The following KPNB1 variants were observed in gnomAD, a reference collection of about 807,000 sequenced individuals.
The protein encoded by KPNB1 is importin subunit beta-1.
Under a neutral mutation model 113.0 loss-of-function variants are expected in KPNB1, and 7 were observed. That is an observed-to-expected ratio of 0.06 (90% CI 0.04 to 0.12). The LOEUF is 0.12. KPNB1 is among the 10% of genes least tolerant of loss of function. KPNB1 has a pLI of 1.00. For synonymous variants in KPNB1, 363 were observed against 378.6 expected (o/e 0.96, Z 0.48); for missense variants, 400 against 1,054.8 (o/e 0.38, Z 8.60).
In KPNB1 at chr17:47,684,977, G is replaced by C. The variant is rs896325086; in HGVS notation, c.*2573G>C. 6.6e-6 allele frequency: 1 copy of C among 152,154 alleles called. No homozygotes were observed. The highest frequency in any genetic ancestry group is 1.5e-5 in the Non-Finnish European group (1 of 68,034). 9.4% of individuals were successfully genotyped at this position (152,154 alleles called of 1,614,324 possible). ...CTGGGCCTTCCCCACCCTAGTCTTGGCACATTCCTTCAAGAATGTAGTTAC... is the reference window on the plus strand; with the variant it reads ...CTGGGCCTTCCCCACCCTAGTCTTGCCACATTCCTTCAAGAATGTAGTTAC... On this transcript the variant is annotated 3_prime_UTR_variant, in exon 22 of 22. Coordinates refer to ENST00000290158, the MANE Select transcript of KPNB1 (RefSeq NM_002265.6).
At position 47,650,033 on chromosome 17, in the gene KPNB1, CCCATTTG is replaced by C; in HGVS notation, c.-211_-205del. Reference sequence around the variant, plus strand: ...AGGGTCCCTCCCCCGCCGCCAGCAGCCCATTTGGAGGGAGGAAGTAAGGGAAGAGGAG... The same window carrying C: ...AGGGTCCCTCCCCCGCCGCCAGCAGCGAGGGAGGAAGTAAGGGAAGAGGAG... On this transcript the variant is annotated 5_prime_UTR_variant, in exon 1 of 22. Coordinates refer to ENST00000290158, the MANE Select transcript of KPNB1 (RefSeq NM_002265.6). 1 of 1,359,774 alleles carries C rather than the reference CCCATTTG, an allele frequency of 7.4e-7. No individual in the cohort carries two copies. Among genetic ancestry groups the C allele is most frequent in the East Asian group, 3.0e-5 (1 of 33,228 alleles). The allele number at this position is 1,359,774 out of a possible 1,614,324, so 84.2% of individuals were successfully genotyped here.
At chr17:47,662,894 AAG>A (rs1241718227) in intron 6 of KPNB1, among the ~76,000 whole-genome samples, 193 bp from the exon 7 acceptor site, 1 of 152,166 alleles carries the variant, frequency 6.6e-6, no homozygotes, top group Non-Finnish European at 1.5e-5. Flanking sequence ...TTCCCCGAAA[AAG>A]AGAGACAAAA....
At chr17:47,682,254 C>T in intron 21 of KPNB1, 150 bp from the exon 22 acceptor site, 1 of 704,242 alleles carries the variant, frequency 1.4e-6, no homozygotes, top group South Asian at 1.6e-5. Context: ...AGGTCAATGG[C>T]ACATAGGACA....
chr17:47,682,556 C>T lies in KPNB1; in HGVS notation c.*152C>T. ...TTGAAAACACACCACATTGAAAATCCTGCCACAGCAGCAGCCGCAGCCGCC... is the reference window on the plus strand; with the variant it reads ...TTGAAAACACACCACATTGAAAATCTTGCCACAGCAGCAGCCGCAGCCGCC... On this transcript the variant is annotated 3_prime_UTR_variant, in exon 22 of 22. Transcript: ENST00000290158. The T allele has an allele frequency of 1.5e-6, 1 of 669,494 alleles. No homozygotes were observed. The highest frequency in any genetic ancestry group is 2.3e-5 in the Admixed American group (1 of 42,764). The allele number at this position is 669,494 out of a possible 1,614,324, so 41.5% of individuals were successfully genotyped here.
intron 19 of KPNB1, chr17:47,678,681 C>T: frequency 2.7e-6 from 1 of 374,224 alleles, no homozygotes; most frequent in South Asian, 2.8e-5. Context: ...AATCTCGGCT[C>T]ACTGCAACCT....
At chr17:47,676,772 A>T (rs1274252138) in intron 16 of KPNB1, among the ~76,000 whole-genome samples, 1 of 150,548 alleles carries the variant, frequency 6.6e-6, no homozygotes, top group Non-Finnish European at 1.5e-5. Flanking sequence ...AGGAGCAGCT[A>T]TAAAGTTGAG....
At chr17:47,672,974 C>T in intron 12 of KPNB1, 44 bp from the exon 13 acceptor site, 1 of 1,581,942 alleles carries the variant, frequency 6.3e-7, no homozygotes, top group African/African-American at 1.4e-5. Context: ...TCTTCCCTGT[C>T]CTTTTCATTT....
chr17:47,672,884 T>G, intron 12 of KPNB1, 134 bp from the exon 13 acceptor site: 5 of 668,466 alleles, frequency 7.5e-6, no homozygotes, highest in Admixed American at 3.4e-5. Flanking sequence ...CATTCTTGGA[T>G]ATTGTGTTTT....
intron 12 of KPNB1, among the ~76,000 whole-genome samples, chr17:47,671,380 C>T (rs943132476): frequency 6.6e-6 from 1 of 152,196 alleles, no homozygotes; most frequent in Non-Finnish European, 1.5e-5. Context: ...AATTTCTCTG[C>T]TTTCTTTGTA....
intron 1 of KPNB1, 39 bp from the exon 2 acceptor site, chr17:47,650,347 C>A (rs1354228139): frequency 2.5e-6 from 4 of 1,610,690 alleles, no homozygotes; most frequent in Non-Finnish European, 3.4e-6. Context: ...AGGCCCGGCC[C>A]CTCTGACCCC....
chr17:47,682,020 C>T (rs894471553), intron 21 of KPNB1, among the ~76,000 whole-genome samples: 2 of 151,938 alleles, frequency 1.3e-5, no homozygotes, highest in Non-Finnish European at 2.9e-5. Flanking sequence ...TTTTTAGAGA[C>T]AAGATCTCCT....
chr17:47,667,254 T>C (rs1415483631), intron 9 of KPNB1, among the ~76,000 whole-genome samples: 2 of 152,044 alleles, frequency 1.3e-5, no homozygotes, highest in African/African-American at 2.4e-5. Flanking sequence ...GCCTCCCGAG[T>C]AGCTGGGATT....
chr17:47,658,957 TAC>T (rs777438455), intron 5 of KPNB1, among the ~76,000 whole-genome samples: 11 of 152,228 alleles, frequency 7.2e-5, no homozygotes, highest in Non-Finnish European at 1.0e-4. Context: ...TGCATACTGG[TAC>T]TCCAGCTACT....
intron 12 of KPNB1, 56 bp downstream of exon 12, chr17:47,670,888 T>G: frequency 6.8e-7 from 1 of 1,472,380 alleles, no homozygotes; most frequent in South Asian, 1.2e-5. Context: ...TCTATTGCCT[T>G]CTGTGTGGAG....
chr17:47,665,277 TGACTTA>T (rs1197396186), intron 9 of KPNB1, 119 bp downstream of exon 9: 3 of 768,140 alleles, frequency 3.9e-6, no homozygotes, highest in Non-Finnish European at 6.7e-6. Flanking sequence ...CTGTTGTTGA[TGACTTA>T]GAAACAGCTA....
At chr17:47,650,305 G>T (rs1915497630) in intron 1 of KPNB1, 21 bp downstream of exon 1, 2 of 1,607,754 alleles carry the variant, frequency 1.2e-6, no homozygotes, top group African/African-American at 1.3e-5. Flanking sequence ...GGAGCCGGGG[G>T]TAGGGCTGAG....
In KPNB1 at chr17:47,684,729, A is replaced by G. The variant is rs1344605508; in HGVS notation, c.*2325A>G. 1.3e-5 allele frequency: 2 copies of G among 152,490 alleles called. No homozygotes were observed. Among genetic ancestry groups the G allele is most frequent in the Non-Finnish European group, 2.9e-5 (2 of 68,056 alleles). 9.4% of individuals were successfully genotyped at this position (152,490 alleles called of 1,614,324 possible). A position where few individuals can be genotyped will look rare whatever the true frequency, so the allele number is the denominator to read the frequency against. On this transcript the variant is annotated 3_prime_UTR_variant, in exon 22 of 22. Coordinates refer to ENST00000290158, the MANE Select transcript of KPNB1 (RefSeq NM_002265.6). ...GAAGCAGTTGATGAGTGCTGTTACT[A>G]ATGCTTTCTCCCAGATCCATTCAGT... is the stretch of plus-strand genomic sequence containing the variant.
At position 47,652,814 on chromosome 17, in the gene KPNB1, G is replaced by A; in HGVS notation, c.220G>A (p.Ala74Thr). 1 of 1,612,088 alleles carries A rather than the reference G, an allele frequency of 6.2e-7. No individual in the cohort carries two copies. The highest frequency in any genetic ancestry group is 8.5e-7 in the Non-Finnish European group (1 of 1,179,338). ...GACATCTAAAGATCCAGATATCAAG[G>A]CACAATATCAGCAGAGGTGGCTTGC... ...SLTSKDPDIKAQYQQRWLAID... is the reference protein window; with the variant it reads ...SLTSKDPDIKTQYQQRWLAID... The change falls in exon 3 of 22, where the codon GCA (alanine) becomes ACA (threonine). Residue 74 changes from alanine to threonine, a missense_variant. Coordinates refer to ENST00000290158, the MANE Select transcript of KPNB1 (RefSeq NM_002265.6).
At chr17:47,654,815 C>A (rs1328200620) in intron 3 of KPNB1, among the ~76,000 whole-genome samples, 1 of 152,164 alleles carries the variant, frequency 6.6e-6, no homozygotes, top group Non-Finnish European at 1.5e-5. Context: ...TGTGAAGGCA[C>A]CCTGGACTTG....
Sources: allele counts gnomAD v4.1 joint callset (sites outside exome capture counted in the v4.1 genomes callset), GRCh38; gene constraint gnomAD v4.1.1; transcripts MANE v1.5; gene names NCBI Gene and HGNC (gene_info 2026-07-23, HGNC 2026-07-21).